PRKACA: variants seen among roughly 807,000 people sequenced by gnomAD.
The protein encoded by PRKACA is protein kinase cAMP-activated catalytic subunit alpha.
A neutral mutation model predicts 45.8 loss-of-function variants in PRKACA; 9 were observed. That is an observed-to-expected ratio of 0.20 (90% confidence interval 0.12 to 0.34). The LOEUF (loss-of-function observed/expected upper bound fraction) is 0.34. Among genes scored for constraint, PRKACA ranks in the 10% least tolerant of loss-of-function variants. The pLI, the probability that PRKACA is intolerant of heterozygous loss-of-function variation, is 1.00. For missense variants in PRKACA, 238 were observed against 458.6 expected (o/e 0.52, Z 4.39); for synonymous variants, 160 against 178.6 (o/e 0.90, Z 0.83).
At chr19:14,114,135 A>G (rs1356403241) in intron 1 of PRKACA, 4 of 1,611,246 alleles carry the variant, frequency 2.5e-6, no homozygotes, top group South Asian at 2.2e-5. Flanking sequence ...CAGCCTCACC[A>G]TCGCTGGAGT....
At chr19:14,107,984 T>C in intron 1 of PRKACA, 1 of 986,052 alleles carries the variant, frequency 1.0e-6, no homozygotes, top group Non-Finnish European at 1.2e-6. Flanking sequence ...AAGGTGAACA[T>C]CACCGCCTGG....
Position 14,117,569 on chromosome 19 carries a change from C to G in PRKACA, c.-22G>C. 8.8e-7 allele frequency: 1 copy of G among 1,139,790 alleles called. No homozygotes were observed. Among genetic ancestry groups the G allele is most frequent in the Non-Finnish European group, 1.1e-6 (1 of 928,212 alleles). The allele number at this position is 1,139,790 out of a possible 1,614,324, so 70.6% of individuals were successfully genotyped here. ...CCATCGCGGCGGCGGCGGCCGGGGC[C>G]GGTCCCGGAGCTGCGGCGCGGCGGG... On this transcript the variant is annotated 5_prime_UTR_variant, in exon 1 of 10. Transcript: ENST00000308677.
chr19:14,097,997 G>T lies in PRKACA; in HGVS notation c.420-107C>A. On this transcript the variant is annotated intron_variant, in intron 5 of 9. Transcript: ENST00000308677. This position sits in a 1 kb window ranked among gnomAD's most constrained non-coding sequence, Gnocchi z 5.4. ...AGAGGAAGACACCTCCAGTCCAGCC[G>T]TCAGAAACGCAAGGCACCTGATTCT... 7.0e-7 allele frequency: 1 copy of T among 1,429,606 alleles called. No homozygotes were observed. Among genetic ancestry groups the T allele is most frequent in the Non-Finnish European group, 9.6e-7 (1 of 1,045,314 alleles). The allele number at this position is 1,429,606 out of a possible 1,614,324, so 88.6% of individuals were successfully genotyped here. A position where few individuals can be genotyped will look rare whatever the true frequency, so the allele number is the denominator to read the frequency against.
At chr19:14,115,009 C>T in intron 1 of PRKACA, 1 of 935,600 alleles carries the variant, frequency 1.1e-6, no homozygotes, top group South Asian at 4.9e-5. Flanking sequence ...CCTGCCCCAC[C>T]CTTCTAAGAG....
At chr19:14,101,060 A>G (rs977056918) in intron 4 of PRKACA, 152 bp from the exon 5 acceptor site, 24 of 658,398 alleles carry the variant, frequency 3.6e-5, no homozygotes, top group Non-Finnish European at 6.5e-5. Context: ...GGCGACCCTT[A>G]TCCTGCTGTT....
chr19:14,114,794 C>G (rs1321553526), intron 1 of PRKACA, among the ~76,000 whole-genome samples: 1 of 151,970 alleles, frequency 6.6e-6, no homozygotes, highest in African/African-American at 2.4e-5. Context: ...CCCAACTCCA[C>G]TCCAGGGTTC....
intron 8 of PRKACA, chr19:14,096,655 G>C (rs1347109377): frequency 6.4e-6 from 1 of 157,132 alleles, no homozygotes; most frequent in African/African-American, 2.4e-5. Flanking sequence ...GAGGGCAGAG[G>C]TGGGGTCCCC....
At chr19:14,103,761 ATATAAAT>A (rs904610119) in intron 3 of PRKACA, among the ~76,000 whole-genome samples, 22 of 152,354 alleles carry the variant, frequency 1.4e-4, no homozygotes, top group African/African-American at 5.0e-4. Context: ...AGTATCTAAA[ATATAAAT>A]TAAAAAACTG....
intron 5 of PRKACA, among the ~76,000 whole-genome samples, chr19:14,099,589 CT>C (rs1201287283): frequency 1.1e-3 from 142 of 132,632 alleles, no homozygotes; most frequent in African/African-American, 2.0e-3. Flanking sequence ...CCACACCTGA[CT>C]TTTTTTTTTT....
intron 1 of PRKACA, among the ~76,000 whole-genome samples, chr19:14,117,157 G>A (rs1967124807): frequency 6.6e-6 from 1 of 151,442 alleles, no homozygotes. Flanking sequence ...AGGTGAGTGA[G>A]GAAGTGGGGG....
intron 1 of PRKACA, among the ~76,000 whole-genome samples, chr19:14,109,216 G>A (rs1364098511): frequency 1.3e-5 from 2 of 151,340 alleles, no homozygotes; most frequent in East Asian, 2.0e-4. Flanking sequence ...GGCACGGTGG[G>A]TCACACCTAT....
chr19:14,103,984 G>T (rs1977523732), intron 3 of PRKACA, among the ~76,000 whole-genome samples: 1 of 151,914 alleles, frequency 6.6e-6, no homozygotes, highest in African/African-American at 2.4e-5. Flanking sequence ...TGAGGTGGGA[G>T]GATCATTTGA....
rs1482322609 is a variant in PRKACA, at chr19:14,091,904, C to G, written c.*1208G>C. On this transcript the variant is annotated 3_prime_UTR_variant, in exon 10 of 10. Transcript: ENST00000308677. ...AATGGGGTGGCTCCCCAGCGGCTCCCCACTTTTCTATTACGAGAGAAAAAA... is the reference window on the plus strand; with the variant it reads ...AATGGGGTGGCTCCCCAGCGGCTCCGCACTTTTCTATTACGAGAGAAAAAA... 6.6e-6 allele frequency: 1 copy of G among 152,204 alleles called. No individual in the cohort carries two copies. The highest frequency in any genetic ancestry group is 6.5e-5 in the Admixed American group (1 of 15,278). The allele number at this position is 152,204 out of a possible 1,614,324, so 9.4% of individuals were successfully genotyped here.
Position 14,092,930 on chromosome 19 carries a change from G to T in PRKACA, c.*182C>A, listed in dbSNP as rs1184377836. On this transcript the variant is annotated 3_prime_UTR_variant, in exon 10 of 10. Coordinates refer to ENST00000308677, the MANE Select transcript of PRKACA (RefSeq NM_002730.4). ...TGAAGGGGATGAGGGGGAGCAGCTG[G>T]TGTTTCTGTCCCTCTGATTATCTGG... is the stretch of plus-strand genomic sequence containing the variant. 1.4e-6 allele frequency: 1 copy of T among 698,014 alleles called. No homozygotes were observed. Among genetic ancestry groups the T allele is most frequent in the Non-Finnish European group, 2.2e-6 (1 of 444,482 alleles). The allele number at this position is 698,014 out of a possible 1,614,324, so 43.2% of individuals were successfully genotyped here.
At chr19:14,104,710 A>T (rs546005603) in intron 3 of PRKACA, among the ~76,000 whole-genome samples, 36 of 151,606 alleles carry the variant, frequency 2.4e-4, no homozygotes, top group African/African-American at 8.7e-4. Context: ...AAAAAAAAAA[A>T]AAAAATTAAA....
chr19:14,100,918 G>A lies in PRKACA; in HGVS notation c.337-10C>T. On this transcript the variant is annotated splice_polypyrimidine_tract_variant and intron_variant, in intron 4 of 9. Coordinates refer to ENST00000308677, the MANE Select transcript of PRKACA (RefSeq NM_002730.4). Reference sequence around the variant, plus strand: ...ATAAGTTTGAGTTGTCCTGTGGGAAGCAGTGGCTGGTCAAGGGCCCACCCC... The same window carrying A: ...ATAAGTTTGAGTTGTCCTGTGGGAAACAGTGGCTGGTCAAGGGCCCACCCC... 3.7e-6 allele frequency: 6 copies of A among 1,613,530 alleles called. No homozygotes were observed. The highest frequency in any genetic ancestry group is 4.2e-6 in the Non-Finnish European group (5 of 1,179,450).
chr19:14,095,124 G>GT (rs1977206289), intron 8 of PRKACA, among the ~76,000 whole-genome samples: 1 of 151,102 alleles, frequency 6.6e-6, no homozygotes, highest in African/African-American at 2.4e-5. Context: ...GATCTTCTGT[G>GT]TTTTTTTCTT....
chr19:14,093,519 C>T (rs1977155983), intron 9 of PRKACA, 109 bp downstream of exon 9: 2 of 1,394,608 alleles, frequency 1.4e-6, no homozygotes, highest in South Asian at 1.4e-5. Flanking sequence ...GCTCTCTACT[C>T]TAGGTTGCTC....
chr19:14,103,287 C>T (rs1977500267), intron 3 of PRKACA, among the ~76,000 whole-genome samples: 1 of 152,110 alleles, frequency 6.6e-6, no homozygotes, highest in Admixed American at 6.6e-5. Context: ...GGCAGCTGAA[C>T]TGAAATTGAA....
Sources: gnomAD v4.1 joint callset for allele counts (sites outside exome capture counted in the v4.1 genomes callset) on GRCh38, gnomAD v4.1.1 for gene constraint, Gnocchi (gnomAD v3.1) non-coding constraint, MANE v1.5 for transcripts, NCBI Gene and HGNC (gene_info 2026-07-23, HGNC 2026-07-21) for gene names.